Variants in RYR3 observed in about 807,000 individuals in gnomAD.
The protein encoded by RYR3 is brain ryanodine receptor-calcium release channel.
Under a neutral mutation model 584.3 loss-of-function variants are expected in RYR3, and 207 were observed. That is an observed-to-expected ratio of 0.35 (90% CI 0.32 to 0.40). The LOEUF (loss-of-function observed/expected upper bound fraction) is 0.40, where lower values mean the gene tolerates loss of function less well. RYR3 is among the 10% of genes least tolerant of loss of function. RYR3 has a pLI of 1.00. For synonymous variants in RYR3, 2,416 were observed against 2,248.5 expected, an observed-to-expected ratio of 1.07 and a Z score of -2.11; for missense variants, 5,616 against 6,089.2, an observed-to-expected ratio of 0.92 and a Z score of 2.59.
chr15:33,542,373 C>T (rs1382912136), intron 7 of RYR3, among the ~76,000 whole-genome samples: 7 of 152,056 alleles, frequency 4.6e-5, no homozygotes, highest in Admixed American at 1.3e-4. Context: ...ATGAGATGAA[C>T]GAGAGCTTAA....
intron 2 of RYR3, among the ~76,000 whole-genome samples, chr15:33,488,613 G>A (rs1357877587): frequency 6.6e-6 from 1 of 152,252 alleles, no homozygotes; most frequent in Non-Finnish European, 1.5e-5. Flanking sequence ...CAGCACTTGG[G>A]AGGACAAGGC....
intron 38 of RYR3, among the ~76,000 whole-genome samples, chr15:33,682,922 T>G (rs2064730735): frequency 1.3e-5 from 2 of 152,092 alleles, no homozygotes; most frequent in Non-Finnish European, 2.9e-5. Flanking sequence ...CCATACCTTG[T>G]GGCAAATGGT....
rs1567047645 is a variant in RYR3 at position 33,336,536 on chromosome 15, AGG to A, written c.51+25441_51+25442del. Among the ~76,000 whole-genome samples the A allele has an allele frequency of 3.8e-5, 3 of 79,608 alleles. 1 individual carries two copies. Among genetic ancestry groups the A allele is most frequent in the Non-Finnish European group, 7.7e-5 (3 of 38,714 alleles). The allele number at this position is 79,608 out of a possible 152,430, so 52.2% of individuals were successfully genotyped here. Reference sequence around the variant, plus strand: ...AAGGAGGGAAGGAGGGAAGGAGGGAAGGAGGGAAGGAGGGAAGGAAGGAAGAA... The same window carrying A: ...AAGGAGGGAAGGAGGGAAGGAGGGAAAGGGAAGGAGGGAAGGAAGGAAGAA... On this transcript the variant is annotated intron_variant, in intron 1 of 103. Transcript: ENST00000634891.
At chr15:33,563,105 T>C (rs1024764631) in intron 11 of RYR3, 95 bp downstream of exon 11, 4 of 978,290 alleles carry the variant, frequency 4.1e-6, no homozygotes, top group Non-Finnish European at 6.2e-6. Context: ...GACATGATTG[T>C]GATTTACTTC....
chr15:33,369,815 T>G (rs2040195737), intron 1 of RYR3, among the ~76,000 whole-genome samples: 1 of 152,212 alleles, frequency 6.6e-6, no homozygotes, highest in Admixed American at 6.5e-5. Context: ...TTTCCTATAG[T>G]AGCTGTCACA....
At chr15:33,757,670 A>T in intron 60 of RYR3, 74 bp downstream of exon 60, 1 of 1,504,492 alleles carries the variant, frequency 6.6e-7, no homozygotes, top group Non-Finnish European at 9.1e-7. Flanking sequence ...CTGTGGACTA[A>T]AAGGCGAGTC....
intron 1 of RYR3, among the ~76,000 whole-genome samples, chr15:33,400,930 C>T (rs1483739902): frequency 3.3e-5 from 5 of 152,224 alleles, no homozygotes; most frequent in Non-Finnish European, 7.3e-5. Context: ...AAAGTCAAGA[C>T]AGCATGGACG....
intron 38 of RYR3, among the ~76,000 whole-genome samples, chr15:33,686,699 C>G (rs1316139561): frequency 1.3e-5 from 2 of 152,196 alleles, no homozygotes; most frequent in African/African-American, 4.8e-5. Context: ...CAAACTGAAT[C>G]CAGTAACACA....
intron 1 of RYR3, among the ~76,000 whole-genome samples, chr15:33,423,658 T>TG (rs35695154): frequency 0.25 from 37,071 of 148,822 alleles, 4,608 homozygotes; most frequent in East Asian, 0.35. Flanking sequence ...ATTTTCCAGG[T>TG]TTTTTTTTTA....
chr15:33,722,048 G>C (rs1377181334), intron 43 of RYR3, among the ~76,000 whole-genome samples: 2 of 152,140 alleles, frequency 1.3e-5, no homozygotes, highest in African/African-American at 4.8e-5. Flanking sequence ...GAAATGACCT[G>C]AAGTCCCTCC....
chr15:33,684,797 C>A (rs2064875761), intron 38 of RYR3, among the ~76,000 whole-genome samples: 1 of 152,186 alleles, frequency 6.6e-6, no homozygotes, highest in Non-Finnish European at 1.5e-5. Context: ...GGCCAATATT[C>A]AACATTCTTA....
intron 38 of RYR3, among the ~76,000 whole-genome samples, chr15:33,679,873 C>A (rs1328610021): frequency 6.6e-6 from 1 of 151,968 alleles, no homozygotes; most frequent in African/African-American, 2.4e-5. Flanking sequence ...TTTCTGAATC[C>A]ATTTTATGGT....
chr15:33,559,246 G>T (rs184381137), intron 10 of RYR3, among the ~76,000 whole-genome samples: 5 of 152,338 alleles, frequency 3.3e-5, no homozygotes, highest in Admixed American at 6.5e-5. Flanking sequence ...TGAGATCAGA[G>T]AATGTGTACA....
At chr15:33,484,606 G>T (rs1480577661) in intron 2 of RYR3, among the ~76,000 whole-genome samples, 1 of 147,284 alleles carries the variant, frequency 6.8e-6, no homozygotes, top group East Asian at 2.0e-4. Context: ...GAATAGGCTT[G>T]GATTACATTG....
Position 33,857,863 on chromosome 15 carries a change from C to T in RYR3, c.14091C>T (p.Asn4697=), listed in dbSNP as rs752422188. ...TCAACTTCTTCCGCAAGTTCTACAA[C>T]AAAAGCGAAGACGATGACGAGCCCG... ...VAFNFFRKFY[N]KSEDDDEPDM... The change falls in exon 99 of 104, where the codon AAC becomes AAT. Residue 4697 remains asparagine (N), a synonymous_variant. Transcript: ENST00000634891. 2.5e-6 allele frequency: 4 copies of T among 1,614,080 alleles called. No individual in the cohort carries two copies. The highest frequency in any genetic ancestry group is 3.4e-6 in the Non-Finnish European group (4 of 1,180,042).
intron 3 of RYR3, among the ~76,000 whole-genome samples, chr15:33,529,891 A>T (rs1183775642): frequency 2.0e-5 from 3 of 152,156 alleles, no homozygotes; most frequent in Non-Finnish European, 4.4e-5. Context: ...TAAGAAACAG[A>T]CACCAGTGGC....
intron 38 of RYR3, among the ~76,000 whole-genome samples, chr15:33,685,760 A>G (rs968809636): frequency 1.3e-5 from 2 of 152,268 alleles, no homozygotes; most frequent in African/African-American, 4.8e-5. Flanking sequence ...CCACAGTGCA[A>G]TCAAATTAGA....
chr15:33,857,970 A>T lies in RYR3; in HGVS notation c.14142+56A>T, dbSNP rs948527920. 2.1e-5 allele frequency: 34 copies of T among 1,603,858 alleles called. 1 individual carries two copies. The Admixed American group carries it at 5.7e-4, about 27-fold the overall frequency. ...ACCCACTGCGGGGCCACCCCGCCCC[A>T]CCACCTCACTGGGAAGAAGGGCTGT... On this transcript the variant is annotated intron_variant, in intron 99 of 103. Transcript: ENST00000634891.
intron 3 of RYR3, among the ~76,000 whole-genome samples, chr15:33,512,666 C>A (rs887967170): frequency 1.3e-5 from 2 of 152,176 alleles, no homozygotes; most frequent in Non-Finnish European, 1.5e-5. Flanking sequence ...TTCATCCTTG[C>A]TGTGGACATT....
Sources: gnomAD v4.1 joint callset for allele counts (sites outside exome capture counted in the v4.1 genomes callset) on GRCh38, gnomAD v4.1.1 for gene constraint, MANE v1.5 for transcripts, NCBI Gene and HGNC (gene_info 2026-07-23, HGNC 2026-07-21) for gene names.